Variants in DNAAF9 observed in about 807,000 individuals in gnomAD.
DNAAF9 encodes dynein axonemal assembly factor 9, also known as shulin.
In DNAAF9, 90 loss-of-function variants were observed where a neutral mutation model predicts 167.0. The ratio of observed to expected loss-of-function variants is 0.54; its 90% CI spans 0.45 to 0.64. The LOEUF (loss-of-function observed/expected upper bound fraction) is 0.64. DNAAF9 is among the 30% of genes least tolerant of loss of function. The probability of loss-of-function intolerance (pLI) is 0.00; values close to 1 mark genes in which losing one functional copy is unlikely to be tolerated. For synonymous variants in DNAAF9, 491 were observed against 508.8 expected (o/e 0.96, Z 0.47); for missense variants, 1,315 against 1,442.2 (o/e 0.91, Z 1.43).
chr20:3,361,930 C>A, intron 6 of DNAAF9: 2 of 1,517,800 alleles, frequency 1.3e-6, no homozygotes. Flanking sequence ...TTCATATTTT[C>A]TTTAGACATC....
Position 3,260,259 on chromosome 20 carries a change from A to C in DNAAF9, c.2874-231T>G, listed in dbSNP as rs376312499. Among the ~76,000 whole-genome samples the C allele has an allele frequency of 2.7e-3, 418 of 152,174 alleles. 1 individual carries two copies. Among genetic ancestry groups the C allele is most frequent in the African/African-American group, 9.5e-3 (393 of 41,522 alleles). ...GAGGCTGAGGCAGGAGAATGGCGTG[A>C]ACCCGGGAAGCGGAGCTTGCAGTGA... On this transcript the variant is annotated intron_variant, in intron 31 of 36. Transcript: ENST00000252032.
chr20:3,312,278 A>T (rs1177454977), intron 20 of DNAAF9, among the ~76,000 whole-genome samples: 1 of 152,128 alleles, frequency 6.6e-6, no homozygotes, highest in East Asian at 1.9e-4. Flanking sequence ...ATGAGCCACC[A>T]CACCCTGCCA....
intron 11 of DNAAF9, 139 bp from the exon 12 acceptor site, chr20:3,330,821 T>A: frequency 1.7e-6 from 1 of 573,466 alleles, no homozygotes; most frequent in Non-Finnish European, 3.1e-6. Context: ...AGACACAGTT[T>A]AGCTTTGTCG....
intron 10 of DNAAF9, among the ~76,000 whole-genome samples, chr20:3,336,252 G>GTTTTTTTTTTTTTTT (rs1178750984): frequency 2.3e-4 from 19 of 81,438 alleles, no homozygotes; most frequent in South Asian, 1.4e-3. Flanking sequence ...ACAGTTTTGC[G>GTTTTTTTTTTTTTTT]TTTTTGTTTT....
intron 12 of DNAAF9, among the ~76,000 whole-genome samples, chr20:3,330,159 AG>A (rs1446240017): frequency 2.6e-5 from 4 of 152,366 alleles, no homozygotes; most frequent in African/African-American, 7.2e-5. Flanking sequence ...CAGATGGCAA[AG>A]CTGGCAAGGT....
chr20:3,337,630 T>C (rs2069988897), intron 10 of DNAAF9, among the ~76,000 whole-genome samples: 2 of 152,056 alleles, frequency 1.3e-5, no homozygotes, highest in South Asian at 4.1e-4. Flanking sequence ...TTGAGATCTC[T>C]AGTGATTTTT....
chr20:3,269,822 G>A (rs1488279601), intron 30 of DNAAF9, among the ~76,000 whole-genome samples: 12 of 151,984 alleles, frequency 7.9e-5, no homozygotes, highest in African/African-American at 2.7e-4. Flanking sequence ...GCCGGGCGTG[G>A]TGGCGGGCGC....
chr20:3,324,840 T>C, intron 14 of DNAAF9, 52 bp downstream of exon 14: 3 of 894,650 alleles, frequency 3.4e-6, no homozygotes, highest in Non-Finnish European at 5.5e-6. Context: ...AAAAAGAATA[T>C]TCCAAAACGA....
At chr20:3,357,014 A>G (rs6133034) in intron 7 of DNAAF9, among the ~76,000 whole-genome samples, 38,147 of 152,136 alleles carry the variant, frequency 0.25, 5,396 homozygotes, top group African/African-American at 0.37. Flanking sequence ...TTATTTATAA[A>G]TTCCTATGTT....
intron 35 of DNAAF9, 146 bp downstream of exon 35, chr20:3,255,073 G>C (rs984106064): frequency 8.5e-6 from 5 of 589,854 alleles, no homozygotes; most frequent in Admixed American, 2.7e-5. Flanking sequence ...AATTCTGTAC[G>C]CAGCTTCCCT....
At chr20:3,392,933 A>G (rs1010071742) in intron 1 of DNAAF9, among the ~76,000 whole-genome samples, 2 of 152,226 alleles carry the variant, frequency 1.3e-5, no homozygotes, top group Non-Finnish European at 1.5e-5. Context: ...GACGTGAACA[A>G]TTTGGTATGC....
In DNAAF9 at chr20:3,376,927, G is replaced by C. The variant is rs541870727; in HGVS notation, c.284-625C>G. On this transcript the variant is annotated intron_variant, in intron 3 of 36. Coordinates refer to ENST00000252032, the MANE Select transcript of DNAAF9 (RefSeq NM_001009984.3). Reference sequence around the variant, plus strand: ...AAAACAAAAACACAAAAATTAGCCGGGTGTGGTGGCGCGCACCTGTAATCC... The same window carrying C: ...AAAACAAAAACACAAAAATTAGCCGCGTGTGGTGGCGCGCACCTGTAATCC... Among the ~76,000 whole-genome samples the C allele has an allele frequency of 1.1e-4, 17 of 152,208 alleles. No individual in the cohort carries two copies. In the South Asian group the frequency reaches 3.5e-3, roughly 32 times the overall value.
chr20:3,382,601 G>C, intron 1 of DNAAF9, 95 bp from the exon 2 acceptor site: 3 of 916,486 alleles, frequency 3.3e-6, no homozygotes, highest in Non-Finnish European at 3.6e-6. Flanking sequence ...TGAGGAAGAG[G>C]AATGACTTTG....
chr20:3,365,254 C>A (rs1399850372), intron 6 of DNAAF9, among the ~76,000 whole-genome samples: 1 of 152,142 alleles, frequency 6.6e-6, no homozygotes, highest in Non-Finnish European at 1.5e-5. Context: ...GGATTACAGG[C>A]ACAATCCACT....
intron 1 of DNAAF9, among the ~76,000 whole-genome samples, chr20:3,397,657 G>C (rs1426140594): frequency 6.6e-6 from 1 of 151,800 alleles, no homozygotes; most frequent in African/African-American, 2.4e-5. Context: ...AAATTAGCTG[G>C]AACCTTATTA....
At chr20:3,255,928 G>A (rs1449605485) in intron 34 of DNAAF9, 78 bp downstream of exon 34, 16 of 1,085,740 alleles carry the variant, frequency 1.5e-5, no homozygotes, top group African/African-American at 3.1e-5. Flanking sequence ...AGGCAGTGGC[G>A]GGGCTTCTCA....
chr20:3,375,195 C>T (rs548918918), intron 4 of DNAAF9, 69 bp from the exon 5 acceptor site: 23 of 1,001,772 alleles, frequency 2.3e-5, no homozygotes, highest in East Asian at 4.8e-5. Context: ...ATTTTCTCTG[C>T]ATTTTGTCAA....
At chr20:3,398,712 A>G (rs1310345725) in intron 1 of DNAAF9, among the ~76,000 whole-genome samples, 5 of 152,230 alleles carry the variant, frequency 3.3e-5, no homozygotes, top group South Asian at 4.1e-4. Flanking sequence ...TAAAAGCTAT[A>G]TTGGCATTAA....
At position 3,252,231 on chromosome 20, in the gene DNAAF9, C is replaced by T. The variant is rs1474198667; in HGVS notation, c.*341G>A. On this transcript the variant is annotated 3_prime_UTR_variant, in exon 37 of 37. Coordinates refer to ENST00000252032, the MANE Select transcript of DNAAF9 (RefSeq NM_001009984.3). ...GGTTCCTTCTAAGTCCCAGTAGCTC[C>T]TCTGTGTAATCCTAATGCTTCTCCC... 2 of 174,758 alleles carry T rather than the reference C, an allele frequency of 1.1e-5. No individual in the cohort carries two copies. The highest frequency in any genetic ancestry group is 2.4e-5 in the Non-Finnish European group (2 of 82,638). The allele number at this position is 174,758 out of a possible 1,614,324, so 10.8% of individuals were successfully genotyped here.
Sources: gnomAD v4.1 joint callset for allele counts (sites outside exome capture counted in the v4.1 genomes callset) on GRCh38, gnomAD v4.1.1 for gene constraint, MANE v1.5 for transcripts, NCBI Gene and HGNC (gene_info 2026-07-23, HGNC 2026-07-21) for gene names.